Variants in SUCLG2 observed in about 807,000 individuals in gnomAD.
SUCLG2 encodes the protein succinate--CoA ligase [GDP-forming] subunit beta, mitochondrial.
A neutral mutation model predicts 47.9 loss-of-function variants in SUCLG2; 42 were observed. The ratio of observed to expected loss-of-function variants is 0.88; its 90% CI spans 0.69 to 1.14. The LOEUF is 1.14. Ranked by LOEUF, SUCLG2 falls within the 50% of genes most tolerant of loss-of-function variation. SUCLG2 has a pLI of 0.00. For synonymous variants in SUCLG2, 195 were observed against 197.3 expected (o/e 0.99, Z 0.10); for missense variants, 571 against 525.9 (o/e 1.09, Z -0.84).
Position 67,528,167 on chromosome 3 carries a change from T to C in SUCLG2, c.382A>G (p.Lys128Glu), listed in dbSNP as rs1667905737. The change falls in exon 4 of 11, where the codon AAA becomes GAA. Residue 128 changes from lysine to glutamate, a missense_variant. Coordinates refer to ENST00000307227, the MANE Select transcript of SUCLG2 (RefSeq NM_003848.4). ...TTCACACCTTCTTTTGGAGTTTGTT[T>C]TGTCGCTAGATTGTACCCAATCATC... is the stretch of plus-strand genomic sequence containing the variant. ...KQMIGYNLAT[K>E]QTPKEGVKVN... The C allele has an allele frequency of 6.2e-7, 1 of 1,613,958 alleles. No individual in the cohort carries two copies. Among genetic ancestry groups the C allele is most frequent in the Non-Finnish European group, 8.5e-7 (1 of 1,179,890 alleles).
chr3:67,645,773 G>A (rs1217174194), intron 1 of SUCLG2, among the ~76,000 whole-genome samples: 1 of 151,720 alleles, frequency 6.6e-6, no homozygotes, highest in Non-Finnish European at 1.5e-5. Flanking sequence ...GCTGGAATGA[G>A]AATGCCTATG....
chr3:67,619,214 C>T (rs1385826258), intron 1 of SUCLG2, among the ~76,000 whole-genome samples: 2 of 152,114 alleles, frequency 1.3e-5, no homozygotes, highest in African/African-American at 4.8e-5. Context: ...ATTTCTGAGT[C>T]CCATGAAATT....
intron 1 of SUCLG2, among the ~76,000 whole-genome samples, chr3:67,613,417 A>T (rs907086958): frequency 2.6e-5 from 4 of 152,206 alleles, no homozygotes; most frequent in Non-Finnish European, 5.9e-5. Context: ...ACAGTATCAT[A>T]TCAATTAACT....
chr3:67,451,588 T>A (rs886745487), intron 9 of SUCLG2, among the ~76,000 whole-genome samples: 5 of 152,082 alleles, frequency 3.3e-5, no homozygotes. Flanking sequence ...TTCAGCTCAA[T>A]CATCAATGGA....
intron 9 of SUCLG2, among the ~76,000 whole-genome samples, chr3:67,428,501 G>A (rs1312256025): frequency 6.6e-6 from 1 of 152,186 alleles, no homozygotes; most frequent in African/African-American, 2.4e-5. Flanking sequence ...AGAAACCAGA[G>A]CAGAAAAGCT....
At chr3:67,511,656 T>C (rs1026382665) in intron 6 of SUCLG2, among the ~76,000 whole-genome samples, 1 of 152,246 alleles carries the variant, frequency 6.6e-6, no homozygotes, top group Admixed American at 6.5e-5. Flanking sequence ...GGTATGTCTT[T>C]ATTATCAGCG....
chr3:67,552,172 CAAA>C (rs55687048), intron 2 of SUCLG2, among the ~76,000 whole-genome samples: 19,674 of 75,092 alleles, frequency 0.26, 2,180 homozygotes, highest in East Asian at 0.45. Flanking sequence ...AACTCCATCT[CAAA>C]AAAAAAAAAA....
Position 67,429,967 on chromosome 3 carries a change from A to G in SUCLG2, c.1063-29116T>C, listed in dbSNP as rs546490977. ...TCATAAAGCAAGTCCTTAGAGACCT[A>G]CAAAGAGACTTAGACTCCCACACAA... On this transcript the variant is annotated intron_variant, in intron 9 of 10. Transcript: ENST00000307227. Among the ~76,000 whole-genome samples, 22 of 152,318 alleles carry G rather than the reference A, an allele frequency of 1.4e-4. No individual in the cohort carries two copies. In the South Asian group the frequency reaches 3.7e-3, roughly 26 times the overall value.
At chr3:67,487,637 A>G (rs918868749) in intron 9 of SUCLG2, among the ~76,000 whole-genome samples, 1 of 152,146 alleles carries the variant, frequency 6.6e-6, no homozygotes, top group Non-Finnish European at 1.5e-5. Flanking sequence ...TGAATAGAAG[A>G]AAAAGAATTT....
At chr3:67,577,065 T>C (rs977994014) in intron 2 of SUCLG2, among the ~76,000 whole-genome samples, 17 of 152,340 alleles carry the variant, frequency 1.1e-4, no homozygotes, top group African/African-American at 3.8e-4. Flanking sequence ...CCAGGTGCAG[T>C]GGCTCACACC....
intron 10 of SUCLG2, among the ~76,000 whole-genome samples, chr3:67,400,205 A>T (rs566492215): frequency 7.9e-5 from 12 of 152,034 alleles, no homozygotes; most frequent in African/African-American, 2.9e-4. Context: ...TCTTACTAAA[A>T]ATTTTTTAAA....
At chr3:67,511,998 T>C (rs1161249589) in intron 6 of SUCLG2, among the ~76,000 whole-genome samples, 1 of 151,060 alleles carries the variant, frequency 6.6e-6, no homozygotes, top group East Asian at 1.9e-4. Context: ...TACAGGCACA[T>C]GCCACTAGGC....
At chr3:67,559,681 GGTGAAACTTT>G (rs1707257119) in intron 2 of SUCLG2, among the ~76,000 whole-genome samples, 1 of 152,034 alleles carries the variant, frequency 6.6e-6, no homozygotes, top group Non-Finnish European at 1.5e-5. Flanking sequence ...AATTATCAGA[GGTGAAACTTT>G]GTGAAACTGA....
At chr3:67,629,320 T>C (rs1700887755) in intron 1 of SUCLG2, among the ~76,000 whole-genome samples, 1 of 152,230 alleles carries the variant, frequency 6.6e-6, no homozygotes, top group African/African-American at 2.4e-5. Flanking sequence ...CCACTCCAGA[T>C]GCCAGCTGCA....
chr3:67,408,289 A>G (rs1702861303), intron 9 of SUCLG2, among the ~76,000 whole-genome samples: 1 of 152,222 alleles, frequency 6.6e-6, no homozygotes, highest in South Asian at 2.1e-4. Flanking sequence ...GAAAAACAGC[A>G]TTCCTCGAAA....
chr3:67,596,267 A>G (rs1338747126), intron 2 of SUCLG2, among the ~76,000 whole-genome samples: 1 of 152,228 alleles, frequency 6.6e-6, no homozygotes, highest in African/African-American at 2.4e-5. Flanking sequence ...AACTAGCTTT[A>G]CATACAAACA....
At chr3:67,566,007 A>G (rs1352372158) in intron 2 of SUCLG2, among the ~76,000 whole-genome samples, 1 of 152,198 alleles carries the variant, frequency 6.6e-6, no homozygotes, top group East Asian at 1.9e-4. Flanking sequence ...ACTCTGTTCC[A>G]GGGACCACAG....
intron 6 of SUCLG2, chr3:67,513,924 G>A (rs989321912): frequency 5.8e-6 from 1 of 173,472 alleles, no homozygotes; most frequent in African/African-American, 2.4e-5. Context: ...GCACAGTTGT[G>A]CGCTGCATCG....
intron 2 of SUCLG2, among the ~76,000 whole-genome samples, chr3:67,548,874 T>A (rs910806920): frequency 1.3e-5 from 2 of 152,164 alleles, no homozygotes; most frequent in Admixed American, 6.6e-5. Flanking sequence ...TATGAGACTA[T>A]CCAAAGGCGT....
Sources: allele counts gnomAD v4.1 joint callset (sites outside exome capture counted in the v4.1 genomes callset), GRCh38; gene constraint gnomAD v4.1.1; transcripts MANE v1.5; gene names NCBI Gene and HGNC (gene_info 2026-07-23, HGNC 2026-07-21).